ATAD3A: variants seen among roughly 807,000 people sequenced by gnomAD.
ATAD3A encodes the protein ATPase family AAA domain-containing protein 3A.
A neutral mutation model predicts 73.8 loss-of-function variants in ATAD3A; 46 were observed. The ratio of observed to expected loss-of-function variants is 0.62; its 90% CI spans 0.49 to 0.80. ATAD3A has a LOEUF of 0.80. ATAD3A is among the 30% of genes least tolerant of loss of function. The pLI is 0.00. For missense variants in ATAD3A, 705 were observed against 838.0 expected, an observed-to-expected ratio of 0.84 and a Z score of 1.96; for synonymous variants, 319 against 350.0, an observed-to-expected ratio of 0.91 and a Z score of 0.99.
At chr1:1,533,435 G>C (rs1225518418) in intron 15 of ATAD3A, among the ~76,000 whole-genome samples, 1 of 152,216 alleles carries the variant, frequency 6.6e-6, no homozygotes, top group East Asian at 1.9e-4. Flanking sequence ...GCCAAGCCCT[G>C]TGCTCAGGAG....
At position 1,516,067 on chromosome 1, in the gene ATAD3A, G is replaced by A; in HGVS notation, c.261G>A (p.Leu87=). 6.2e-7 allele frequency: 1 copy of A among 1,613,846 alleles called. No homozygotes were observed. Among genetic ancestry groups the A allele is most frequent in the Non-Finnish European group, 8.5e-7 (1 of 1,179,934 alleles). The change falls in exon 2 of 16, where the codon TTG becomes TTA. Residue 87 remains leucine, a synonymous_variant. Transcript: ENST00000378756. The part of the protein sequence containing the change: ...LAQMQEQTLQ[L]EQQSKLKEYE... ...AGATGCAGGAGCAGACGCTGCAGTTGGAGCAACAGTCCAAGCTCAAAGTGA... is the reference window on the plus strand; with the variant it reads ...AGATGCAGGAGCAGACGCTGCAGTTAGAGCAACAGTCCAAGCTCAAAGTGA...
intron 1 of ATAD3A, among the ~76,000 whole-genome samples, chr1:1,515,603 A>G (rs1187249673): frequency 6.6e-6 from 1 of 152,118 alleles, no homozygotes; most frequent in Non-Finnish European, 1.5e-5. Context: ...ATTCTTATTC[A>G]TTCCCTTTCT....
chr1:1,515,744 C>T (rs1254462304), intron 1 of ATAD3A, among the ~76,000 whole-genome samples: 2 of 152,222 alleles, frequency 1.3e-5, no homozygotes, highest in Non-Finnish European at 2.9e-5. Flanking sequence ...AAAGAGCCTC[C>T]TCCCGTCCAC....
chr1:1,518,423 A>C (rs544156323), intron 4 of ATAD3A, among the ~76,000 whole-genome samples: 15 of 132,572 alleles, frequency 1.1e-4, no homozygotes, highest in African/African-American at 3.7e-4. Flanking sequence ...AGACGGACAC[A>C]CACACACCCA....
Position 1,520,261 on chromosome 1 carries a change from G to A in ATAD3A, c.635G>A (p.Arg212His), listed in dbSNP as rs763700829. ...ENADIIREQI[R>H]LKAAEHRQTV... ...GCAGACATCATCCGCGAGCAGATCCGCCTGAAGGCGGCCGAGCACCGTCAG... is the reference window on the plus strand; with the variant it reads ...GCAGACATCATCCGCGAGCAGATCCACCTGAAGGCGGCCGAGCACCGTCAG... The change falls in exon 6 of 16, where the codon CGC (arginine) becomes CAC (histidine). Residue 212 changes from arginine to histidine, a missense_variant. Physicochemically the swap from Arg to His is conservative, Grantham distance 29. Around this residue, in one of 5 missense-constraint regions of ATAD3A, gnomAD observed 315 missense variants for 334.1 expected, o/e 0.94. Coordinates refer to ENST00000378756, the MANE Select transcript of ATAD3A (RefSeq NM_001170535.3). The surrounding 1 kb of genome is among the most constrained non-coding windows in gnomAD (Gnocchi z 4.0). 1.1e-5 allele frequency: 17 copies of A among 1,612,888 alleles called. No individual in the cohort carries two copies. Among genetic ancestry groups the A allele is most frequent in the Admixed American group, 3.3e-5 (2 of 59,996 alleles).
At chr1:1,515,040 T>C (rs1229809150) in intron 1 of ATAD3A, among the ~76,000 whole-genome samples, 1 of 152,092 alleles carries the variant, frequency 6.6e-6, no homozygotes, top group Non-Finnish European at 1.5e-5. Context: ...TGCCCTGCTC[T>C]TTTTTTGTCT....
At chr1:1,531,493 G>C (rs1359131601) in intron 15 of ATAD3A, among the ~76,000 whole-genome samples, 2 of 151,182 alleles carry the variant, frequency 1.3e-5, no homozygotes, top group Non-Finnish European at 3.0e-5. Flanking sequence ...ACTGGGGCTG[G>C]ACGGGCGCGG....
intron 14 of ATAD3A, 94 bp from the exon 15 acceptor site, chr1:1,529,129 C>A: frequency 6.5e-7 from 1 of 1,536,208 alleles, no homozygotes; most frequent in Non-Finnish European, 8.8e-7. Flanking sequence ...GGATGTTTGG[C>A]GTGGGTGTCG....
intron 12 of ATAD3A, 58 bp downstream of exon 12, chr1:1,525,349 C>T: frequency 6.2e-7 from 1 of 1,604,842 alleles, no homozygotes; most frequent in Non-Finnish European, 8.5e-7. Flanking sequence ...CAGCCGTCTG[C>T]CTGGGCCAGG....
intron 14 of ATAD3A, 93 bp downstream of exon 14, chr1:1,527,955 T>G (rs1641907361): frequency 1.6e-6 from 2 of 1,277,092 alleles, no homozygotes; most frequent in South Asian, 1.7e-5. Context: ...ACCTTTAACA[T>G]TCCTTTTTTT....
At chr1:1,533,882 G>A in intron 15 of ATAD3A, 44 bp from the exon 16 acceptor site, 2 of 1,598,296 alleles carry the variant, frequency 1.3e-6, no homozygotes, top group Non-Finnish European at 1.7e-6. Flanking sequence ...TTGGGGTGGG[G>A]GGTTCCCATG....
At chr1:1,519,236 T>C (rs984260980) in intron 5 of ATAD3A, among the ~76,000 whole-genome samples, 1 of 146,380 alleles carries the variant, frequency 6.8e-6, no homozygotes, top group Non-Finnish European at 1.5e-5. Flanking sequence ...GGGCCTTTTT[T>C]TTTTTTTTGA....
intron 4 of ATAD3A, among the ~76,000 whole-genome samples, chr1:1,518,034 C>T (rs1482883628): frequency 1.3e-5 from 2 of 151,750 alleles, no homozygotes; most frequent in African/African-American, 4.8e-5. Context: ...ACTCCCAGCA[C>T]ACACAGACAG....
In ATAD3A at chr1:1,534,045, G is replaced by T. The variant is rs763709740; in HGVS notation, c.1734G>T (p.Gly578=). The T allele has an allele frequency of 6.2e-7, 1 of 1,613,546 alleles. No homozygotes were observed. Among genetic ancestry groups the T allele is most frequent in the Non-Finnish European group, 8.5e-7 (1 of 1,179,934 alleles). ...KMCWLKAEGP[G]RGDEPSPS ...GCTGGCTGAAGGCGGAAGGGCCTGGGCGTGGGGACGAGCCCTCCCCATCCT... is the reference window on the plus strand; with the variant it reads ...GCTGGCTGAAGGCGGAAGGGCCTGGTCGTGGGGACGAGCCCTCCCCATCCT... Residue 578 remains glycine, a synonymous_variant, in exon 16 of 16, where the codon GGG becomes GGT. Transcript: ENST00000378756.
intron 15 of ATAD3A, among the ~76,000 whole-genome samples, chr1:1,533,718 G>A (rs1642114502): frequency 6.6e-6 from 1 of 151,724 alleles, no homozygotes; most frequent in East Asian, 1.9e-4. Flanking sequence ...GCAGTGCTGA[G>A]GACGCAGGCA....
intron 15 of ATAD3A, among the ~76,000 whole-genome samples, chr1:1,530,879 C>T (rs574020280): frequency 2.1e-4 from 31 of 147,340 alleles, no homozygotes; most frequent in Non-Finnish European, 3.6e-4. Flanking sequence ...GGAACGAGTG[C>T]GGTGGCTCAC....
chr1:1,526,518 C>A lies in ATAD3A; in HGVS notation c.1324C>A (p.Gln442Lys). The A allele has an allele frequency of 3.1e-6, 5 of 1,612,672 alleles. No homozygotes were observed. Among genetic ancestry groups the A allele is most frequent in the Non-Finnish European group, 4.2e-6 (5 of 1,179,676 alleles). Reference sequence around the variant, plus strand: ...GAACGCCTTCCTGTACCGCACGGGCCAGCACAGCAACAAGTGAGGGAGCCC... The same window carrying A: ...GAACGCCTTCCTGTACCGCACGGGCAAGCACAGCAACAAGTGAGGGAGCCC... ...TLNAFLYRTGQHSNKFMLVLA... is the reference protein window; with the variant it reads ...TLNAFLYRTGKHSNKFMLVLA... Residue 442 changes from glutamine to lysine, a missense_variant, in exon 13 of 16, where the codon CAG (glutamine) becomes AAG (lysine). Physicochemically the swap from Gln to Lys is moderately conservative, Grantham distance 53. Transcript: ENST00000378756.
intron 14 of ATAD3A, among the ~76,000 whole-genome samples, chr1:1,528,682 G>A (rs1055139945): frequency 6.6e-6 from 1 of 152,242 alleles, no homozygotes; most frequent in Non-Finnish European, 1.5e-5. Flanking sequence ...CCACTTCTTG[G>A]CGTCCCCCGG....
intron 15 of ATAD3A, among the ~76,000 whole-genome samples, chr1:1,532,793 A>G (rs1424929851): frequency 6.6e-6 from 1 of 151,908 alleles, no homozygotes; most frequent in Non-Finnish European, 1.5e-5. Flanking sequence ...CCGGACCCAC[A>G]GTGGTGGTGC....
Sources: gnomAD v4.1 joint callset for allele counts (sites outside exome capture counted in the v4.1 genomes callset) on GRCh38, gnomAD v4.1.1 for gene constraint, gnomAD v4.1.1 regional missense constraint, Gnocchi (gnomAD v3.1) non-coding constraint, MANE v1.5 for transcripts, NCBI Gene and HGNC (gene_info 2026-07-23, HGNC 2026-07-21) for gene names.